Variants in ARL8B observed in about 807,000 individuals in gnomAD.
ARL8B encodes the protein ADP-ribosylation factor-like protein 8B.
Under a neutral mutation model 30.6 loss-of-function variants are expected in ARL8B, and 9 were observed. The observed-to-expected ratio is 0.29, with a 90% CI of 0.18 to 0.51. ARL8B has a LOEUF of 0.51. ARL8B is among the 20% of genes least tolerant of loss of function. The pLI, the probability that ARL8B is intolerant of heterozygous loss-of-function variation, is 0.97. For synonymous variants in ARL8B, 74 were observed against 76.0 expected, an observed-to-expected ratio of 0.97 and a Z score of 0.14; for missense variants, 130 against 227.2, an observed-to-expected ratio of 0.57 and a Z score of 2.75.
chr3:5,148,520 A>C (rs964678105), intron 1 of ARL8B, among the ~76,000 whole-genome samples: 1 of 152,026 alleles, frequency 6.6e-6, no homozygotes, highest in Non-Finnish European at 1.5e-5. Flanking sequence ...TGTGAGATGT[A>C]TGGAGGGGGC....
At position 5,170,490 on chromosome 3, in the gene ARL8B, T is replaced by C; in HGVS notation, c.124-13T>C. On this transcript the variant is annotated splice_polypyrimidine_tract_variant and intron_variant, in intron 1 of 6. Transcript: ENST00000256496. The stretch of plus-strand genomic sequence containing the variant: ...AGTGAGTAGCCTAACTTCAAATGTT[T>C]TATTTTGTTCAGTCAGGTCAATTCA... The C allele has an allele frequency of 1.3e-6, 2 of 1,596,856 alleles. No homozygotes were observed. The highest frequency in any genetic ancestry group is 8.6e-7 in the Non-Finnish European group (1 of 1,169,302).
rs559982200 is a variant in ARL8B at position 5,180,034 on chromosome 3, T to G, written c.*1321T>G. Reference sequence around the variant, plus strand: ...TATTCATATAGACCACTGTAGTAGATAAAACTCTATGGTACACCTGCTTAT... The same window carrying G: ...TATTCATATAGACCACTGTAGTAGAGAAAACTCTATGGTACACCTGCTTAT... On this transcript the variant is annotated 3_prime_UTR_variant, in exon 7 of 7. Transcript: ENST00000256496. 2.0e-5 allele frequency: 3 copies of G among 152,808 alleles called. No individual in the cohort carries two copies. Among genetic ancestry groups the G allele is most frequent in the Admixed American group, 2.0e-4 (3 of 15,306 alleles). The allele number at this position is 152,808 out of a possible 1,614,324, so 9.5% of individuals were successfully genotyped here. A position where few individuals can be genotyped will look rare whatever the true frequency, so the allele number is the denominator to read the frequency against.
chr3:5,166,437 G>T (rs2054625190), intron 1 of ARL8B, among the ~76,000 whole-genome samples: 1 of 150,486 alleles, frequency 6.6e-6, no homozygotes, highest in Non-Finnish European at 1.5e-5. Context: ...CCGCCTCCTG[G>T]GTTCAAGCGA....
chr3:5,130,947 T>G (rs1363356163), intron 1 of ARL8B, among the ~76,000 whole-genome samples: 1 of 152,192 alleles, frequency 6.6e-6, no homozygotes, highest in East Asian at 1.9e-4. Flanking sequence ...TCTTTTTCTT[T>G]TTTTGTTTTT....
chr3:5,150,266 C>G (rs1460888349), intron 1 of ARL8B, among the ~76,000 whole-genome samples: 2 of 151,918 alleles, frequency 1.3e-5, no homozygotes, highest in Non-Finnish European at 2.9e-5. Flanking sequence ...AGTTCAAGAC[C>G]AGCCTGACTA....
intron 1 of ARL8B, among the ~76,000 whole-genome samples, chr3:5,139,316 C>A (rs6780358): frequency 0.11 from 16,514 of 152,146 alleles, 1,626 homozygotes; most frequent in African/African-American, 0.26. Context: ...CATTTTCTTG[C>A]CTCTACTATG....
chr3:5,148,268 A>G (rs1040072340), intron 1 of ARL8B, among the ~76,000 whole-genome samples: 1 of 152,166 alleles, frequency 6.6e-6, no homozygotes, highest in Non-Finnish European at 1.5e-5. Flanking sequence ...TACTTGTAAG[A>G]GGAGCATTTA....
chr3:5,169,430 T>A (rs1294845223), intron 1 of ARL8B, among the ~76,000 whole-genome samples: 1 of 152,072 alleles, frequency 6.6e-6, no homozygotes, highest in Non-Finnish European at 1.5e-5. Context: ...TGCTGGATCA[T>A]ATGATAATTC....
intron 1 of ARL8B, among the ~76,000 whole-genome samples, chr3:5,146,874 G>A (rs58541873): frequency 0.11 from 16,391 of 151,996 alleles, 1,603 homozygotes; most frequent in African/African-American, 0.26. Flanking sequence ...GGAGCAAGCC[G>A]CCCCAGTATC....
intron 1 of ARL8B, among the ~76,000 whole-genome samples, chr3:5,154,608 T>C (rs1575568140): frequency 1.3e-5 from 2 of 152,304 alleles, no homozygotes; most frequent in South Asian, 4.1e-4. Flanking sequence ...AATGCAACCA[T>C]TACTGCTATC....
At position 5,122,329 on chromosome 3, in the gene ARL8B, GC is replaced by G; in HGVS notation, c.-134del. 1 of 1,528,898 alleles carries G rather than the reference GC, an allele frequency of 6.5e-7. No homozygotes were observed. Among genetic ancestry groups the G allele is most frequent in the Non-Finnish European group, 8.8e-7 (1 of 1,139,018 alleles). The allele number at this position is 1,528,898 out of a possible 1,614,324, so 94.7% of individuals were successfully genotyped here. On this transcript the variant is annotated 5_prime_UTR_variant, in exon 1 of 7. Coordinates refer to ENST00000256496, the MANE Select transcript of ARL8B (RefSeq NM_018184.3). ...CGGCTTCCTGGGTCTGGCTGCTGCC[GC>G]CCGCCGGTGTCCGCCCGTGTCGCGC... is the stretch of plus-strand genomic sequence containing the variant.
At chr3:5,172,842 C>A in intron 4 of ARL8B, 102 bp downstream of exon 4, 1 of 797,920 alleles carries the variant, frequency 1.3e-6, no homozygotes, top group Non-Finnish European at 2.0e-6. Context: ...AGTAACATGT[C>A]TTCATTTTTA....
At chr3:5,157,497 C>A (rs1322934107) in intron 1 of ARL8B, among the ~76,000 whole-genome samples, 3 of 151,234 alleles carry the variant, frequency 2.0e-5, no homozygotes, top group African/African-American at 4.9e-5. Context: ...AACAAAAAAA[C>A]CCCCAAAGCA....
chr3:5,158,527 G>T (rs1249724688), intron 1 of ARL8B, among the ~76,000 whole-genome samples: 1 of 152,170 alleles, frequency 6.6e-6, no homozygotes, highest in African/African-American at 2.4e-5. Context: ...GCAAAGTAAG[G>T]CATTACAAAG....
At chr3:5,175,327 G>T (rs2106573935) in intron 6 of ARL8B, among the ~76,000 whole-genome samples, 1 of 152,252 alleles carries the variant, frequency 6.6e-6, no homozygotes, top group East Asian at 1.9e-4. Context: ...GCTATTTAAA[G>T]AAGAAAATGC....
rs1170425774 is a variant in ARL8B, at chr3:5,179,525, C to G, written c.*812C>G. The stretch of plus-strand genomic sequence containing the variant: ...TTGAGAATTGAAGATTTTCCAAAAG[C>G]GTTCATGAATTTAGAGCATTCCACC... On this transcript the variant is annotated 3_prime_UTR_variant, in exon 7 of 7. Transcript: ENST00000256496. The G allele has an allele frequency of 3.9e-5, 6 of 152,582 alleles. No individual in the cohort carries two copies. In the East Asian group the frequency reaches 1.2e-3, roughly 29 times the overall value. 9.5% of individuals were successfully genotyped at this position (152,582 alleles called of 1,614,324 possible).
chr3:5,142,237 T>C (rs2054380969), intron 1 of ARL8B, among the ~76,000 whole-genome samples: 2 of 152,128 alleles, frequency 1.3e-5, no homozygotes, highest in African/African-American at 4.8e-5. Flanking sequence ...TCGCCTGACT[T>C]ACCAGTGATG....
intron 1 of ARL8B, among the ~76,000 whole-genome samples, chr3:5,163,442 C>A (rs1056616764): frequency 6.6e-6 from 1 of 151,608 alleles, no homozygotes; most frequent in African/African-American, 2.4e-5. Context: ...TAAAACAGAT[C>A]AAATTATTGA....
At chr3:5,150,139 T>G (rs1319063666) in intron 1 of ARL8B, among the ~76,000 whole-genome samples, 1 of 152,142 alleles carries the variant, frequency 6.6e-6, no homozygotes, top group Non-Finnish European at 1.5e-5. Flanking sequence ...TTTTGGAGAT[T>G]ATGTAGAATT....
Sources: gnomAD v4.1 joint callset for allele counts (sites outside exome capture counted in the v4.1 genomes callset) on GRCh38, gnomAD v4.1.1 for gene constraint, MANE v1.5 for transcripts, NCBI Gene and HGNC (gene_info 2026-07-23, HGNC 2026-07-21) for gene names.